ASTN2: variants seen among roughly 807,000 people sequenced by gnomAD.
ASTN2 encodes astrotactin 2.
Under a neutral mutation model 139.8 loss-of-function variants are expected in ASTN2, and 54 were observed. The observed-to-expected ratio is 0.39, with a 90% CI of 0.31 to 0.48. The LOEUF is 0.48. Among genes scored for constraint, ASTN2 ranks in the 20% least tolerant of loss-of-function variants. ASTN2 has a pLI of 0.95. For missense variants in ASTN2, 1,565 were observed against 1,725.1 expected, an observed-to-expected ratio of 0.91 and a Z score of 1.64; for synonymous variants, 756 against 719.5, an observed-to-expected ratio of 1.05 and a Z score of -0.81.
chr9:116,812,892 GA>G (rs530156748), intron 12 of ASTN2, among the ~76,000 whole-genome samples: 5 of 152,080 alleles, frequency 3.3e-5, no homozygotes, highest in Middle Eastern at 3.4e-3. Flanking sequence ...GATTCAGGGG[GA>G]AAAAAATTCC....
chr9:116,796,706 G>A (rs190635022), intron 13 of ASTN2, among the ~76,000 whole-genome samples: 6 of 152,184 alleles, frequency 3.9e-5, no homozygotes, highest in Non-Finnish European at 5.9e-5. Flanking sequence ...TTTGGGAACA[G>A]TTTTATTATG....
chr9:116,697,556 A>C (rs1180431757), intron 16 of ASTN2: 5 of 731,414 alleles, frequency 6.8e-6, no homozygotes, highest in Non-Finnish European at 1.1e-5. Flanking sequence ...GTTGTTAAGT[A>C]AGGGAATGAC....
chr9:116,649,299 A>C (rs1482069688), intron 17 of ASTN2, among the ~76,000 whole-genome samples: 13 of 151,894 alleles, frequency 8.6e-5, no homozygotes, highest in Admixed American at 8.5e-4. Flanking sequence ...GGAGCCAGGC[A>C]TGGTGGCTCT....
At chr9:117,052,168 TG>T (rs1838929323) in intron 5 of ASTN2, among the ~76,000 whole-genome samples, 1 of 152,014 alleles carries the variant, frequency 6.6e-6, no homozygotes, top group African/African-American at 2.4e-5. Flanking sequence ...TGGCTGGGCA[TG>T]GTGGCTCATG....
intron 13 of ASTN2, among the ~76,000 whole-genome samples, chr9:116,733,973 G>A (rs1318849927): frequency 2.0e-5 from 3 of 152,074 alleles, no homozygotes; most frequent in Admixed American, 6.5e-5. Context: ...AGTGCGTAGT[G>A]TTTGCAGAAC....
At chr9:116,572,147 G>A (rs1013616512) in intron 19 of ASTN2, among the ~76,000 whole-genome samples, 2 of 152,138 alleles carry the variant, frequency 1.3e-5, no homozygotes, top group Admixed American at 1.3e-4. Flanking sequence ...GTGTCTGTGT[G>A]TTTTCCCTGC....
intron 7 of ASTN2, among the ~76,000 whole-genome samples, chr9:116,986,321 AC>A (rs1254924170): frequency 6.6e-6 from 1 of 151,962 alleles, no homozygotes; most frequent in Non-Finnish European, 1.5e-5. Context: ...CAGACCAGCT[AC>A]CCTTCTCTGG....
At chr9:117,197,439 T>A (rs1460910723) in intron 3 of ASTN2, 1 of 152,248 alleles carries the variant, frequency 6.6e-6, no homozygotes, top group Non-Finnish European at 1.5e-5. Context: ...CAGACTTCAG[T>A]GGGAGTAAGG....
At chr9:116,951,222 AG>A (rs1204716335) in intron 10 of ASTN2, among the ~76,000 whole-genome samples, 1 of 151,402 alleles carries the variant, frequency 6.6e-6, no homozygotes, top group African/African-American at 2.4e-5. Flanking sequence ...CTGTAATCCC[AG>A]CTACTTGGGA....
At chr9:116,673,441 T>C (rs1859317593) in intron 16 of ASTN2, among the ~76,000 whole-genome samples, 1 of 152,232 alleles carries the variant, frequency 6.6e-6, no homozygotes, top group Non-Finnish European at 1.5e-5. Context: ...GGTGGTGTTA[T>C]CAGTGGAATT....
Position 117,016,632 on chromosome 9 carries a change from A to C in ASTN2, c.1424-8373T>G, listed in dbSNP as rs865931579. ...TATCTATATCTATCTATCTATATAT[A>C]TATATATATATATATATATATATAA... On this transcript the variant is annotated intron_variant, in intron 6 of 22. Transcript: ENST00000313400. Among the ~76,000 whole-genome samples the C allele has an allele frequency of 1.4e-3, 24 of 17,488 alleles. 2 individuals are homozygous for C. Among genetic ancestry groups the C allele is most frequent in the Middle Eastern group, 0.056 (1 of 18 alleles). The allele number at this position is 17,488 out of a possible 152,430, so 11.5% of individuals were successfully genotyped here.
At chr9:117,187,082 T>C (rs930141252) in intron 3 of ASTN2, among the ~76,000 whole-genome samples, 4 of 152,140 alleles carry the variant, frequency 2.6e-5, no homozygotes, top group Non-Finnish European at 5.9e-5. Flanking sequence ...TGAGCTGAGA[T>C]TGTGCCACTG....
At chr9:116,564,684 C>T (rs1411809623) in intron 19 of ASTN2, among the ~76,000 whole-genome samples, 2 of 152,156 alleles carry the variant, frequency 1.3e-5, no homozygotes, top group Admixed American at 6.5e-5. Flanking sequence ...TGAAAGGATT[C>T]GAGAGTTTTC....
At chr9:117,142,594 G>A (rs1254857725) in intron 3 of ASTN2, among the ~76,000 whole-genome samples, 1 of 152,146 alleles carries the variant, frequency 6.6e-6, no homozygotes, top group African/African-American at 2.4e-5. Context: ...ATTGTTAGTA[G>A]CCACATTTCC....
intron 19 of ASTN2, among the ~76,000 whole-genome samples, chr9:116,586,735 G>T (rs1169943165): frequency 2.6e-5 from 4 of 150,948 alleles, no homozygotes; most frequent in African/African-American, 2.4e-5. Flanking sequence ...CCAAACCTCA[G>T]CATCATGTAG....
At chr9:116,726,706 T>G (rs1046230140) in intron 15 of ASTN2, among the ~76,000 whole-genome samples, 11 of 151,970 alleles carry the variant, frequency 7.2e-5, no homozygotes, top group Non-Finnish European at 1.3e-4. Flanking sequence ...TATTTCTTAG[T>G]CCTAGGCTAA....
At chr9:116,716,873 C>T (rs1000315443) in intron 16 of ASTN2, among the ~76,000 whole-genome samples, 1 of 152,176 alleles carries the variant, frequency 6.6e-6, no homozygotes, top group Non-Finnish European at 1.5e-5. Flanking sequence ...CAAGTCTTAG[C>T]TTTCCTAATT....
At chr9:117,181,224 T>A (rs1219088982) in intron 3 of ASTN2, 1 of 594,576 alleles carries the variant, frequency 1.7e-6, no homozygotes, top group Non-Finnish European at 3.0e-6. Context: ...TTTCAATTAT[T>A]CTTCACAGCA....
intron 13 of ASTN2, among the ~76,000 whole-genome samples, chr9:116,792,631 T>C (rs892675137): frequency 1.3e-5 from 2 of 152,124 alleles, no homozygotes; most frequent in Non-Finnish European, 2.9e-5. Flanking sequence ...CGGGGGCCTA[T>C]TGGATTGCAG....
Sources: gnomAD v4.1 joint callset for allele counts (sites outside exome capture counted in the v4.1 genomes callset) on GRCh38, gnomAD v4.1.1 for gene constraint, MANE v1.5 for transcripts, NCBI Gene and HGNC (gene_info 2026-07-23, HGNC 2026-07-21) for gene names.